The following PEX5L variants were observed in gnomAD, a reference collection of about 807,000 sequenced individuals.
PEX5L encodes the protein PEX5-related protein.
In PEX5L, 30 loss-of-function variants were observed where a neutral mutation model predicts 84.0. The observed-to-expected ratio is 0.36, with a 90% confidence interval of 0.27 to 0.48. PEX5L has a LOEUF of 0.48. PEX5L is among the 20% of genes least tolerant of loss of function. The probability of loss-of-function intolerance (pLI) is 0.99; values close to 1 mark genes in which losing one functional copy is unlikely to be tolerated. For synonymous variants in PEX5L, 270 were observed against 283.1 expected (o/e 0.95, Z 0.46); for missense variants, 533 against 754.6 (o/e 0.71, Z 3.44).
chr3:179,869,652 A>C (rs1432438890), intron 7 of PEX5L, among the ~76,000 whole-genome samples: 1 of 152,170 alleles, frequency 6.6e-6, no homozygotes, highest in East Asian at 1.9e-4. Flanking sequence ...CCCCTGAAGC[A>C]CAGGTAGGGA....
At chr3:179,823,148 G>T (rs950397065) in intron 8 of PEX5L, among the ~76,000 whole-genome samples, 3 of 152,056 alleles carry the variant, frequency 2.0e-5, no homozygotes, top group Non-Finnish European at 4.4e-5. Context: ...ACGCACAATC[G>T]CAAAGCTCAA....
chr3:179,974,318 T>A, intron 1 of PEX5L: 1 of 345,362 alleles, frequency 2.9e-6, no homozygotes, highest in Non-Finnish European at 4.1e-6. Flanking sequence ...CCTGTGCTCC[T>A]CCCACCTTCA....
Position 179,889,486 on chromosome 3 carries a change from T to C in PEX5L, c.199-1702A>G, listed in dbSNP as rs78197616. On this transcript the variant is annotated intron_variant, in intron 3 of 14. Coordinates refer to ENST00000467460, the MANE Select transcript of PEX5L (RefSeq NM_016559.3). ...TATAGAGTTGGTAATTAGATTTTTA[T>C]ACATATTAATTTGTTATTGAGGGAT... 1.5e-3 allele frequency among the ~76,000 whole-genome samples: 233 copies of C among 152,350 alleles called. 7 individuals are homozygous for C. In the East Asian group the frequency reaches 0.025, roughly 17 times the overall value.
At chr3:179,930,020 A>G (rs16830924) in intron 2 of PEX5L, among the ~76,000 whole-genome samples, 37,708 of 151,902 alleles carry the variant, frequency 0.25, 5,494 homozygotes, top group East Asian at 0.59. Context: ...TTTTGTATGT[A>G]TTTTTCAAAG....
intron 4 of PEX5L, among the ~76,000 whole-genome samples, chr3:179,884,939 C>T (rs79825481): frequency 0.026 from 3,892 of 151,998 alleles, 175 homozygotes; most frequent in African/African-American, 0.09. Flanking sequence ...AATCACTGAC[C>T]GACCTCCAGA....
chr3:179,949,020 G>A (rs1419547335), intron 2 of PEX5L, among the ~76,000 whole-genome samples: 4 of 152,054 alleles, frequency 2.6e-5, no homozygotes, highest in African/African-American at 4.8e-5. Context: ...TCCCAGTGAC[G>A]GTGCCGTTGT....
chr3:179,895,647 A>G (rs1015597057), intron 3 of PEX5L: 3 of 152,150 alleles, frequency 2.0e-5, no homozygotes, highest in Non-Finnish European at 4.4e-5. Context: ...TAATATAGAC[A>G]GCTCCACTAG....
At chr3:179,995,042 C>CTATATA (rs150512881) in intron 1 of PEX5L, among the ~76,000 whole-genome samples, 3 of 145,552 alleles carry the variant, frequency 2.1e-5, no homozygotes, top group African/African-American at 7.6e-5. Context: ...ATAAACTCCC[C>CTATATA]TATATATATA....
intron 1 of PEX5L, among the ~76,000 whole-genome samples, chr3:179,994,382 T>C: frequency 6.6e-6 from 1 of 152,242 alleles, no homozygotes; most frequent in East Asian, 1.9e-4. Flanking sequence ...GGGAATCCAC[T>C]CACTCAAATC....
chr3:179,922,729 C>T (rs1208684965), intron 2 of PEX5L, among the ~76,000 whole-genome samples: 2 of 151,734 alleles, frequency 1.3e-5, no homozygotes, highest in Non-Finnish European at 2.9e-5. Context: ...GCTGGGATTA[C>T]AGCCGTGAGC....
intron 3 of PEX5L, among the ~76,000 whole-genome samples, chr3:179,891,896 A>G (rs192308403): frequency 1.2e-4 from 19 of 152,264 alleles, no homozygotes; most frequent in African/African-American, 4.3e-4. Context: ...GAGTCTCCCA[A>G]TTATTCCCTT....
chr3:179,905,984 A>C (rs924692195), intron 2 of PEX5L, among the ~76,000 whole-genome samples: 1 of 152,228 alleles, frequency 6.6e-6, no homozygotes, highest in Non-Finnish European at 1.5e-5. Context: ...ACTTTGATAG[A>C]AGGTGATTTT....
At chr3:180,018,500 A>C (rs1790135456) in intron 1 of PEX5L, among the ~76,000 whole-genome samples, 1 of 152,230 alleles carries the variant, frequency 6.6e-6, no homozygotes, top group Admixed American at 6.5e-5. Flanking sequence ...ATGAATATAA[A>C]CTATGTTATA....
At chr3:179,840,342 C>T (rs912369914) in intron 8 of PEX5L, among the ~76,000 whole-genome samples, 4 of 151,762 alleles carry the variant, frequency 2.6e-5, no homozygotes, top group Non-Finnish European at 4.4e-5. Flanking sequence ...GCATGTGCCA[C>T]CATGCCTAGC....
At chr3:179,824,449 T>A (rs1449170703) in intron 8 of PEX5L, among the ~76,000 whole-genome samples, 2 of 152,076 alleles carry the variant, frequency 1.3e-5, no homozygotes, top group Non-Finnish European at 2.9e-5. Flanking sequence ...CTCACGCCTG[T>A]AATCCCAAGA....
intron 7 of PEX5L, among the ~76,000 whole-genome samples, 179 bp downstream of exon 7, chr3:179,874,148 T>TAC (rs1491047706): frequency 1.4e-3 from 213 of 149,256 alleles, no homozygotes; most frequent in South Asian, 3.6e-3. Context: ...TATATATATA[T>TAC]ACACACACAC....
At chr3:179,828,335 G>A (rs1179543635) in intron 8 of PEX5L, among the ~76,000 whole-genome samples, 1 of 152,066 alleles carries the variant, frequency 6.6e-6, no homozygotes. Flanking sequence ...CAAGATACAT[G>A]TTTTCTCCCT....
At chr3:179,943,348 C>T (rs1776667023) in intron 2 of PEX5L, among the ~76,000 whole-genome samples, 1 of 152,212 alleles carries the variant, frequency 6.6e-6, no homozygotes. Flanking sequence ...GAGTGAATTG[C>T]TCATTTGTTG....
intron 2 of PEX5L, among the ~76,000 whole-genome samples, chr3:179,916,871 T>C (rs1052447679): frequency 6.6e-6 from 1 of 151,872 alleles, no homozygotes; most frequent in African/African-American, 2.4e-5. Flanking sequence ...AGTTTCACCA[T>C]GTTGGCCAGG....
Sources: gnomAD v4.1 joint callset for allele counts (sites outside exome capture counted in the v4.1 genomes callset) on GRCh38, gnomAD v4.1.1 for gene constraint, MANE v1.5 for transcripts, NCBI Gene and HGNC (gene_info 2026-07-23, HGNC 2026-07-21) for gene names.